Variants in ASTN2 observed in about 807,000 individuals in gnomAD.
ASTN2 encodes the protein astrotactin-2.
Under a neutral mutation model 139.8 loss-of-function variants are expected in ASTN2, and 54 were observed. That is an observed-to-expected ratio of 0.39 (90% CI 0.31 to 0.48). The LOEUF (loss-of-function observed/expected upper bound fraction) is 0.48, where lower values mean the gene tolerates loss of function less well. Ranked by LOEUF, ASTN2 falls within the 20% of genes least tolerant of loss-of-function variation. The probability of loss-of-function intolerance (pLI) is 0.95; values close to 1 mark genes in which losing one functional copy is unlikely to be tolerated. For missense variants in ASTN2, 1,565 were observed against 1,725.1 expected (o/e 0.91, Z 1.64); for synonymous variants, 756 against 719.5 (o/e 1.05, Z -0.81).
chr9:116,858,114 T>C (rs935047562), intron 11 of ASTN2, among the ~76,000 whole-genome samples: 15 of 152,110 alleles, frequency 9.9e-5, no homozygotes, highest in Non-Finnish European at 2.1e-4. Flanking sequence ...AGACAGGTAA[T>C]AAAGGAACCC....
chr9:116,837,235 G>C, intron 11 of ASTN2, among the ~76,000 whole-genome samples: 1 of 152,298 alleles, frequency 6.6e-6, no homozygotes, highest in South Asian at 2.1e-4. Flanking sequence ...AAGGACTCTA[G>C]CATGTGGAGG....
chr9:116,957,324 A>T (rs1835739600), intron 10 of ASTN2, among the ~76,000 whole-genome samples: 1 of 152,212 alleles, frequency 6.6e-6, no homozygotes, highest in Non-Finnish European at 1.5e-5. Context: ...AAGAAAGACA[A>T]TGCTTTTTGT....
chr9:116,601,823 T>A (rs1854915786), intron 19 of ASTN2, among the ~76,000 whole-genome samples: 1 of 152,148 alleles, frequency 6.6e-6, no homozygotes, highest in Non-Finnish European at 1.5e-5. Flanking sequence ...TGAATATAAT[T>A]AGGGGGTTCC....
chr9:116,641,904 A>T (rs535937502), intron 17 of ASTN2, among the ~76,000 whole-genome samples: 1 of 151,996 alleles, frequency 6.6e-6, no homozygotes, highest in African/African-American at 2.4e-5. Context: ...TGGCCGGTTC[A>T]CCTCCTTCTC....
At chr9:116,851,378 G>A (rs1832595882) in intron 11 of ASTN2, among the ~76,000 whole-genome samples, 1 of 152,084 alleles carries the variant, frequency 6.6e-6, no homozygotes, top group Non-Finnish European at 1.5e-5. Flanking sequence ...CATGGGTGAT[G>A]GTTTAGGTGA....
chr9:116,821,531 G>T (rs7020429), intron 11 of ASTN2, among the ~76,000 whole-genome samples: 17 of 152,068 alleles, frequency 1.1e-4, no homozygotes, highest in African/African-American at 4.1e-4. Context: ...TAGCCAGTCT[G>T]CTGGACTCCA....
chr9:117,254,183 A>C (rs1443215105), intron 2 of ASTN2, among the ~76,000 whole-genome samples: 1 of 152,178 alleles, frequency 6.6e-6, no homozygotes. Flanking sequence ...GAATGATGGT[A>C]TGAGAAATAA....
intron 19 of ASTN2, among the ~76,000 whole-genome samples, chr9:116,512,451 T>C (rs1850435613): frequency 6.6e-6 from 1 of 152,180 alleles, no homozygotes; most frequent in African/African-American, 2.4e-5. Context: ...ATAAGTGCGA[T>C]GTGGTGCTGA....
intron 19 of ASTN2, among the ~76,000 whole-genome samples, chr9:116,552,924 G>C (rs4836752): frequency 0.16 from 24,143 of 152,124 alleles, 2,084 homozygotes; most frequent in African/African-American, 0.21. Context: ...TTATTAGTGT[G>C]ATGAAGAGAA....
intron 16 of ASTN2, 93 bp from the exon 17 acceptor site, chr9:116,651,886 G>C: frequency 6.9e-7 from 1 of 1,452,218 alleles, no homozygotes; most frequent in Non-Finnish European, 9.3e-7. Context: ...ATGCTAAGAA[G>C]CTGGTATCCA....
intron 11 of ASTN2, among the ~76,000 whole-genome samples, chr9:116,832,674 G>C (rs957997435): frequency 1.3e-5 from 2 of 151,878 alleles, no homozygotes; most frequent in African/African-American, 4.8e-5. Flanking sequence ...TTTTCAAATA[G>C]GGAACCATTC....
chr9:116,839,589 T>C (rs1832128655), intron 11 of ASTN2, among the ~76,000 whole-genome samples: 1 of 151,872 alleles, frequency 6.6e-6, no homozygotes, highest in South Asian at 2.1e-4. Context: ...AAGCGATTCT[T>C]ATGCGTTGGC....
rs1162814587 is a variant in ASTN2, at chr9:116,708,126, AAC to A, written c.2806+17643_2806+17644del. Among the ~76,000 whole-genome samples, 14 of 148,502 alleles carry A rather than the reference AAC, an allele frequency of 9.4e-5. No homozygotes were observed. The East Asian group carries it at 1.6e-3, about 17-fold the overall frequency. On this transcript the variant is annotated intron_variant, in intron 16 of 22. Transcript: ENST00000313400. Reference sequence around the variant, plus strand: ...GTTAATATGGCCCAATTTAAATTAAAACAGAGTCTTTGAGGTTTGAAACCCAT... The same window carrying A: ...GTTAATATGGCCCAATTTAAATTAAAAGAGTCTTTGAGGTTTGAAACCCAT...
chr9:117,023,995 T>G (rs1223430837), intron 6 of ASTN2, among the ~76,000 whole-genome samples: 2 of 152,086 alleles, frequency 1.3e-5, no homozygotes, highest in Non-Finnish European at 2.9e-5. Flanking sequence ...GGGATGGGAC[T>G]GGGCGCTACT....
intron 1 of ASTN2, among the ~76,000 whole-genome samples, chr9:117,360,596 A>G (rs1002023912): frequency 6.6e-6 from 1 of 152,154 alleles, no homozygotes; most frequent in Non-Finnish European, 1.5e-5. Flanking sequence ...TCCTAATAAC[A>G]TATCGTATGA....
chr9:117,150,534 AT>A (rs1231020633), intron 3 of ASTN2, among the ~76,000 whole-genome samples: 2 of 152,176 alleles, frequency 1.3e-5, no homozygotes, highest in Non-Finnish European at 2.9e-5. Flanking sequence ...AGGCTTTGAA[AT>A]CAACCACAGT....
chr9:116,725,722 C>CCT, intron 16 of ASTN2, 49 bp downstream of exon 16: 1 of 1,578,734 alleles, frequency 6.3e-7, no homozygotes, highest in East Asian at 2.2e-5. Flanking sequence ...AGACCCCTTG[C>CCT]CTCTATAGCC....
At chr9:116,884,619 C>T (rs376680556) in intron 10 of ASTN2, among the ~76,000 whole-genome samples, 145 of 152,136 alleles carry the variant, frequency 9.5e-4, no homozygotes, top group African/African-American at 3.2e-3. Flanking sequence ...TTGCAGTGGG[C>T]CAAGATCGTG....
rs1836310505 is a variant in ASTN2, at chr9:116,975,214, T to C, written c.1883A>G (p.Asp628Gly). The C allele has an allele frequency of 5.6e-6, 9 of 1,608,488 alleles. No homozygotes were observed. In the East Asian group the frequency reaches 2.0e-4, roughly 36 times the overall value. The part of the protein sequence containing the change: ...TDVLVTEDPA[D>G]VREEAMLSTY... ...ACTGGAGATGATTCCCTACCTGACA[T>C]CTGCAGGGTCTTCCGTGACGAGCAC... The change falls in exon 10 of 23, where the codon GAT becomes GGT. Residue 628 changes from aspartate to glycine, a missense_variant. Coordinates refer to ENST00000313400, the MANE Select transcript of ASTN2 (RefSeq NM_001365068.1).
Sources: gnomAD v4.1 joint callset for allele counts (sites outside exome capture counted in the v4.1 genomes callset) on GRCh38, gnomAD v4.1.1 for gene constraint, MANE v1.5 for transcripts, NCBI Gene and HGNC (gene_info 2026-07-23, HGNC 2026-07-21) for gene names.